CDH2: variants seen among roughly 807,000 people sequenced by gnomAD.
CDH2 encodes the protein cadherin 2, also known as cadherin-2.
A neutral mutation model predicts 92.0 loss-of-function variants in CDH2; 17 were observed. That is an observed-to-expected ratio of 0.18 (90% CI 0.13 to 0.28). The LOEUF is 0.28. Among genes scored for constraint, CDH2 ranks in the 10% least tolerant of loss-of-function variants. The probability of loss-of-function intolerance (pLI) is 1.00; values close to 1 mark genes in which losing one functional copy is unlikely to be tolerated. For missense variants in CDH2, 862 were observed against 1,133.1 expected (o/e 0.76, Z 3.44); for synonymous variants, 419 against 415.9 (o/e 1.01, Z -0.09).
At chr18:28,013,644 A>G (rs777247624) in intron 3 of CDH2, 39 bp downstream of exon 3, 1 of 1,461,344 alleles carries the variant, frequency 6.8e-7, no homozygotes, top group Non-Finnish European at 9.6e-7. Context: ...TATAAAGCTG[A>G]TTTTTAACCA....
Position 28,007,169 on chromosome 18 carries a change from T to A in CDH2, c.703-1176A>T, listed in dbSNP as rs377754267. 4.3e-3 allele frequency among the ~76,000 whole-genome samples: 429 copies of A among 98,874 alleles called. 6 individuals are homozygous for A. Among genetic ancestry groups the A allele is most frequent in the African/African-American group, 0.018 (278 of 15,138 alleles). 64.9% of individuals were successfully genotyped at this position (98,874 alleles called of 152,430 possible). A position where few individuals can be genotyped will look rare whatever the true frequency, so the allele number is the denominator to read the frequency against. On this transcript the variant is annotated intron_variant, in intron 5 of 15. Transcript: ENST00000269141. ...AGTGAGACTCCATAAAAAAAAAATA[T>A]ATATATATATATATATATATATATA... is the stretch of plus-strand genomic sequence containing the variant.
rs763364726 is a variant in CDH2 at position 28,109,841 on chromosome 18, A to G, written c.172+37832T>C. Among the ~76,000 whole-genome samples, 7 of 152,370 alleles carry G rather than the reference A, an allele frequency of 4.6e-5. No homozygotes were observed. The East Asian group carries it at 1.2e-3, about 25-fold the overall frequency. On this transcript the variant is annotated intron_variant, in intron 2 of 15. Transcript: ENST00000269141. ...ATTCTTACAATAACAAAAAGCACAT[A>G]GTGTCAGCATGTATAAAGTGTTATT...
intron 2 of CDH2, among the ~76,000 whole-genome samples, chr18:28,041,161 T>C (rs966480733): frequency 1.3e-5 from 2 of 152,266 alleles, no homozygotes; most frequent in Non-Finnish European, 1.5e-5. Context: ...AAAAATGTAT[T>C]TTCCTTAGGA....
intron 7 of CDH2, among the ~76,000 whole-genome samples, chr18:28,000,437 A>C (rs73400026): frequency 1.3e-5 from 2 of 152,230 alleles, no homozygotes; most frequent in African/African-American, 2.4e-5. Flanking sequence ...TAATTCTTAA[A>C]ACTGTCCCAT....
intron 2 of CDH2, among the ~76,000 whole-genome samples, chr18:28,036,230 A>G (rs1186342286): frequency 6.6e-6 from 1 of 152,170 alleles, no homozygotes; most frequent in Non-Finnish European, 1.5e-5. Flanking sequence ...AGTGAAATAC[A>G]GCTTTTGTAA....
chr18:28,149,887 T>C (rs755728598), intron 1 of CDH2, among the ~76,000 whole-genome samples: 3 of 152,164 alleles, frequency 2.0e-5, no homozygotes, highest in Non-Finnish European at 4.4e-5. Context: ...TATTTCATAA[T>C]GAAAAAGAGA....
chr18:27,996,674 C>T (rs767515153), intron 7 of CDH2, among the ~76,000 whole-genome samples: 73 of 152,294 alleles, frequency 4.8e-4, no homozygotes, highest in Non-Finnish European at 2.2e-4. Flanking sequence ...GACACACACA[C>T]ACGTGTCCCA....
intron 7 of CDH2, among the ~76,000 whole-genome samples, chr18:27,998,782 C>T (rs1366387996): frequency 6.6e-6 from 1 of 152,056 alleles, no homozygotes; most frequent in Non-Finnish European, 1.5e-5. Flanking sequence ...CCACGCCTGG[C>T]TAATTTTTTG....
At chr18:27,998,135 C>T (rs1314856067) in intron 7 of CDH2, among the ~76,000 whole-genome samples, 2 of 152,094 alleles carry the variant, frequency 1.3e-5, no homozygotes, top group Non-Finnish European at 2.9e-5. Flanking sequence ...ACTGCTAAGC[C>T]CCACTTCCCT....
intron 2 of CDH2, among the ~76,000 whole-genome samples, chr18:28,140,765 G>T (rs969356094): frequency 1.3e-5 from 2 of 150,902 alleles, no homozygotes; most frequent in South Asian, 2.1e-4. Flanking sequence ...GAAAATATTT[G>T]TAAATCATAT....
chr18:27,972,936 G>A (rs2011705201), intron 14 of CDH2, among the ~76,000 whole-genome samples: 1 of 152,158 alleles, frequency 6.6e-6, no homozygotes, highest in South Asian at 2.1e-4. Flanking sequence ...AATCTTGATG[G>A]CTAAACAGAA....
intron 1 of CDH2, among the ~76,000 whole-genome samples, chr18:28,174,796 C>T (rs1457961234): frequency 2.0e-5 from 3 of 152,124 alleles, no homozygotes; most frequent in Admixed American, 6.5e-5. Context: ...CTTCGCTGCA[C>T]AGTATTCAAT....
intron 2 of CDH2, among the ~76,000 whole-genome samples, chr18:28,031,854 G>A (rs2013703955): frequency 6.6e-6 from 1 of 152,034 alleles, no homozygotes; most frequent in African/African-American, 2.4e-5. Flanking sequence ...TGACACTGCT[G>A]TTCAATGGGT....
At chr18:27,994,133 T>C (rs2012510042) in intron 7 of CDH2, among the ~76,000 whole-genome samples, 2 of 152,238 alleles carry the variant, frequency 1.3e-5, no homozygotes, top group African/African-American at 2.4e-5. Context: ...ACAGGGTAGA[T>C]GCAATATTTC....
At chr18:28,007,156 TA>T (rs753614802) in intron 5 of CDH2, among the ~76,000 whole-genome samples, 2 of 106,640 alleles carry the variant, frequency 1.9e-5, no homozygotes, top group Non-Finnish European at 3.6e-5. Context: ...TGAGACTCCA[TA>T]AAAAAAAAAT....
At chr18:28,011,448 T>C (rs2013096236) in intron 4 of CDH2, among the ~76,000 whole-genome samples, 1 of 152,288 alleles carries the variant, frequency 6.6e-6, no homozygotes, top group African/African-American at 2.4e-5. Flanking sequence ...TGCCCTTTAT[T>C]TTTTCTGTGG....
intron 6 of CDH2, among the ~76,000 whole-genome samples, chr18:27,944,054 C>T (rs1909207774): frequency 6.6e-6 from 1 of 152,032 alleles, no homozygotes; most frequent in Non-Finnish European, 1.5e-5. Context: ...ATAGTATCAG[C>T]CTCTGAATAT....
intron 2 of CDH2, among the ~76,000 whole-genome samples, chr18:28,046,992 A>G (rs2014089456): frequency 6.6e-6 from 1 of 152,212 alleles, no homozygotes; most frequent in Non-Finnish European, 1.5e-5. Flanking sequence ...TAGAGATTCT[A>G]TGAATTTCAA....
In CDH2 at chr18:28,067,105, G is replaced by A. The variant is rs2014523340; in HGVS notation, c.173-53196C>T. On this transcript the variant is annotated intron_variant, in intron 2 of 15. Coordinates refer to ENST00000269141, the MANE Select transcript of CDH2 (RefSeq NM_001792.5). ...TTATAAAAAAACCTTCACAAAATCT[G>A]AAAGTAAATATCTGCATGCTCATAT... is the stretch of plus-strand genomic sequence containing the variant. Among the ~76,000 whole-genome samples the A allele has an allele frequency of 3.3e-5, 5 of 152,040 alleles. No individual in the cohort carries two copies. The South Asian group carries it at 1.0e-3, about 32-fold the overall frequency.
Sources: gnomAD v4.1 joint callset for allele counts (sites outside exome capture counted in the v4.1 genomes callset) on GRCh38, gnomAD v4.1.1 for gene constraint, MANE v1.5 for transcripts, NCBI Gene and HGNC (gene_info 2026-07-23, HGNC 2026-07-21) for gene names.